The following TENM2 variants were observed in gnomAD, a reference collection of about 807,000 sequenced individuals.
TENM2 encodes teneurin-2.
A neutral mutation model predicts 245.2 loss-of-function variants in TENM2; 52 were observed. The ratio of observed to expected loss-of-function variants is 0.21; its 90% CI spans 0.17 to 0.27. The LOEUF (loss-of-function observed/expected upper bound fraction) is 0.27, where lower values mean the gene tolerates loss of function less well. Among genes scored for constraint, TENM2 ranks in the 10% least tolerant of loss-of-function variants. The pLI is 1.00. For synonymous variants in TENM2, 1,363 were observed against 1,438.9 expected (o/e 0.95, Z 1.19); for missense variants, 3,046 against 3,666.8 (o/e 0.83, Z 4.37).
chr5:167,550,014 A>C (rs544471577), intron 2 of TENM2, among the ~76,000 whole-genome samples: 2 of 152,358 alleles, frequency 1.3e-5, no homozygotes, highest in Non-Finnish European at 2.9e-5. Context: ...AAGGCTTGCC[A>C]GAAATTGCCT....
At chr5:167,921,279 C>G (rs1777350522) in intron 3 of TENM2, among the ~76,000 whole-genome samples, 1 of 152,162 alleles carries the variant, frequency 6.6e-6, no homozygotes, top group Admixed American at 6.5e-5. Context: ...ATTTCACTCG[C>G]TGTGTACAGA....
rs1235110259 is a variant in TENM2 at position 167,812,266 on chromosome 5, G to T, written c.503-63720G>T. ...ATGAAGGCTTTGTCTGGAGCCGAGGGAGAATTTTTAAGTAGGGCTGAGGTT... is the reference window on the plus strand; with the variant it reads ...ATGAAGGCTTTGTCTGGAGCCGAGGTAGAATTTTTAAGTAGGGCTGAGGTT... On this transcript the variant is annotated intron_variant, in intron 2 of 28. Transcript: ENST00000518659. Among the ~76,000 whole-genome samples, 3 of 152,258 alleles carry T rather than the reference G, an allele frequency of 2.0e-5. No individual in the cohort carries two copies. In the East Asian group the frequency reaches 5.8e-4, roughly 29 times the overall value.
At chr5:167,099,555 C>T in the TENM2 span, among the ~76,000 whole-genome samples, 1 of 152,026 alleles carries the variant, frequency 6.6e-6, no homozygotes, top group Non-Finnish European at 1.5e-5. Flanking sequence ...ATTAGCTGGG[C>T]ATGGTGGCGC....
At chr5:167,683,463 A>T (rs1756873818) in intron 2 of TENM2, among the ~76,000 whole-genome samples, 1 of 152,194 alleles carries the variant, frequency 6.6e-6, no homozygotes, top group Non-Finnish European at 1.5e-5. Flanking sequence ...GCTTATCGTT[A>T]AAAACTAGAG....
intron 2 of TENM2, among the ~76,000 whole-genome samples, chr5:167,485,137 T>C (rs1404072942): frequency 6.6e-6 from 1 of 152,166 alleles, no homozygotes; most frequent in Non-Finnish European, 1.5e-5. Flanking sequence ...TAGAGGATTA[T>C]AAGGCTTTAT....
At chr5:167,179,562 G>A in the TENM2 span, among the ~76,000 whole-genome samples, 19,065 of 151,986 alleles carry the variant, frequency 0.13, 4,009 homozygotes, top group African/African-American at 0.43. Context: ...TATTGGTGGC[G>A]TAGGTTTCTT....
chr5:167,256,732 G>A, the TENM2 span, among the ~76,000 whole-genome samples: 1 of 152,020 alleles, frequency 6.6e-6, no homozygotes, highest in African/African-American at 2.4e-5. Context: ...CCAGAAAGAG[G>A]ATAATATATT....
chr5:168,112,653 A>G (rs1350924410), intron 9 of TENM2, among the ~76,000 whole-genome samples: 1 of 148,704 alleles, frequency 6.7e-6, no homozygotes, highest in Non-Finnish European at 1.5e-5. Flanking sequence ...TGGATTGCCA[A>G]TTGCAGGGAT....
At chr5:168,245,692 G>A (rs745678984) in intron 26 of TENM2, among the ~76,000 whole-genome samples, 4 of 151,944 alleles carry the variant, frequency 2.6e-5, no homozygotes, top group Non-Finnish European at 4.4e-5. Context: ...ACTCCCCTTG[G>A]TGCAGGTCCA....
At chr5:167,843,881 T>C (rs1426063449) in intron 2 of TENM2, among the ~76,000 whole-genome samples, 1 of 152,204 alleles carries the variant, frequency 6.6e-6, no homozygotes, top group Non-Finnish European at 1.5e-5. Context: ...TGCTACTTTG[T>C]GTTATCAAGC....
chr5:167,993,095 C>T, exon 5 of TENM2: 1 of 1,614,032 alleles, frequency 6.2e-7, no homozygotes, highest in Non-Finnish European at 8.5e-7. Flanking sequence ...GCTGAAGAAG[C>T]CCTCCAAATA....
chr5:167,526,090 G>C (rs986351124), intron 2 of TENM2, among the ~76,000 whole-genome samples: 8 of 151,544 alleles, frequency 5.3e-5, no homozygotes, highest in African/African-American at 1.5e-4. Context: ...GCCTAACAAA[G>C]GAAGAAATAT....
At chr5:167,563,188 A>G (rs936458023) in intron 2 of TENM2, among the ~76,000 whole-genome samples, 1 of 152,120 alleles carries the variant, frequency 6.6e-6, no homozygotes, top group African/African-American at 2.4e-5. Context: ...CACATCATAA[A>G]CTTTGTCTTC....
At chr5:167,505,841 A>G (rs1187940189) in intron 2 of TENM2, among the ~76,000 whole-genome samples, 1 of 152,152 alleles carries the variant, frequency 6.6e-6, no homozygotes, top group Non-Finnish European at 1.5e-5. Flanking sequence ...TAAAGGGATC[A>G]TAATTGTCAT....
chr5:168,041,797 A>G (rs1464032159), intron 5 of TENM2, among the ~76,000 whole-genome samples: 1 of 152,188 alleles, frequency 6.6e-6, no homozygotes, highest in Non-Finnish European at 1.5e-5. Context: ...CAAATTATGA[A>G]TATATGCTGC....
chr5:167,351,558 C>T (rs1277615276), intron 1 of TENM2, among the ~76,000 whole-genome samples: 1 of 152,144 alleles, frequency 6.6e-6, no homozygotes, highest in Non-Finnish European at 1.5e-5. Flanking sequence ...GCACTAATTC[C>T]GGTGGACAGT....
At chr5:167,448,326 C>T (rs1240189387) in intron 2 of TENM2, among the ~76,000 whole-genome samples, 1 of 151,834 alleles carries the variant, frequency 6.6e-6, no homozygotes, top group Non-Finnish European at 1.5e-5. Flanking sequence ...TAAATTTCTG[C>T]CTGCTGTTCT....
chr5:167,015,004 C>T, the TENM2 span, among the ~76,000 whole-genome samples: 2 of 152,182 alleles, frequency 1.3e-5, no homozygotes, highest in African/African-American at 4.8e-5. Context: ...AACCATCATG[C>T]AAACCTGTTC....
chr5:167,780,926 TG>T (rs1468193089), intron 2 of TENM2, among the ~76,000 whole-genome samples: 1 of 152,238 alleles, frequency 6.6e-6, no homozygotes, highest in East Asian at 1.9e-4. Context: ...TCAACACTTT[TG>T]TTTCCACTTA....
Sources: gnomAD v4.1 joint callset for allele counts (sites outside exome capture counted in the v4.1 genomes callset) on GRCh38, gnomAD v4.1.1 for gene constraint, MANE v1.5 for transcripts, NCBI Gene and HGNC (gene_info 2026-07-23, HGNC 2026-07-21) for gene names.